HIPK2: variants seen among roughly 807,000 people sequenced by gnomAD.
HIPK2 encodes the protein homeodomain interacting protein kinase 2, also known as homeodomain-interacting protein kinase 2.
A neutral mutation model predicts 113.7 loss-of-function variants in HIPK2; 27 were observed. The ratio of observed to expected loss-of-function variants is 0.24; its 90% CI spans 0.17 to 0.33. The LOEUF (loss-of-function observed/expected upper bound fraction) is 0.33, where lower values mean the gene tolerates loss of function less well. Among genes scored for constraint, HIPK2 ranks in the 10% least tolerant of loss-of-function variants. The pLI is 1.00. For synonymous variants in HIPK2, 631 were observed against 642.2 expected (o/e 0.98, Z 0.26); for missense variants, 1,257 against 1,588.0 (o/e 0.79, Z 3.54).
chr7:139,584,949 A>C (rs1385325068), intron 12 of HIPK2, among the ~76,000 whole-genome samples: 2 of 152,100 alleles, frequency 1.3e-5, no homozygotes. Flanking sequence ...GTTTGTTCAG[A>C]GATATTTAAG....
In HIPK2 at chr7:139,600,423, G is replaced by A; in HGVS notation, c.2429C>T (p.Ser810Phe). The A allele has an allele frequency of 6.2e-7, 1 of 1,613,054 alleles. No homozygotes were observed. The highest frequency in any genetic ancestry group is 8.5e-7 in the Non-Finnish European group (1 of 1,179,712). ...GGTGGCTCTCACCACCTACCTCACA[G>A]ATGACTGGTGCTGCTTACTCTTCCG... ...SSRKSKQHQS[S>F]VRNVSTCEVS... Residue 810 changes from serine to phenylalanine, a missense_variant, in exon 11 of 15, where the codon TCT (serine) becomes TTT (phenylalanine). Transcript: ENST00000406875.
Position 139,777,460 on chromosome 7 carries a change from G to C in HIPK2, c.19+145C>G, listed in dbSNP as rs952853416. 9 of 188,884 alleles carry C rather than the reference G, an allele frequency of 4.8e-5. No homozygotes were observed. The Admixed American group carries it at 5.1e-4, about 11-fold the overall frequency. 11.7% of individuals were successfully genotyped at this position (188,884 alleles called of 1,614,324 possible). ...CGGGTCCCGGTCATCTTCCGGGCGA[G>C]GGAGGGGGTCGCGGCCCCCTCGGGC... On this transcript the variant is annotated intron_variant, in intron 1 of 14. Coordinates refer to ENST00000406875, the MANE Select transcript of HIPK2 (RefSeq NM_022740.5).
intron 1 of HIPK2, among the ~76,000 whole-genome samples, chr7:139,756,435 G>T (rs1796364118): frequency 6.6e-6 from 1 of 151,998 alleles, no homozygotes; most frequent in Non-Finnish European, 1.5e-5. Context: ...TTGTTTGTTT[G>T]TTTTTTTGAG....
intron 1 of HIPK2, among the ~76,000 whole-genome samples, chr7:139,759,144 CCACATAAAAA>C (rs1796423339): frequency 1.3e-5 from 2 of 152,200 alleles, no homozygotes; most frequent in South Asian, 2.1e-4. Flanking sequence ...AAAACACACT[CCACATAAAAA>C]TAAACACAAA....
At chr7:139,611,547 T>G (rs1271255701) in intron 9 of HIPK2, among the ~76,000 whole-genome samples, 2 of 152,162 alleles carry the variant, frequency 1.3e-5, no homozygotes, top group African/African-American at 2.4e-5. Context: ...CTATTAATTT[T>G]TTTTTTTCTT....
rs1796804463 is a variant in HIPK2 at position 139,777,624 on chromosome 7, C to T, written c.-1G>A. On this transcript the variant is annotated 5_prime_UTR_variant, in exon 1 of 15. Transcript: ENST00000406875. ...CCTTACCTTCGTACACGGGGGCCATCGGGGCCGGGGTGTCCGCGGTTCATG... is the reference window on the plus strand; with the variant it reads ...CCTTACCTTCGTACACGGGGGCCATTGGGGCCGGGGTGTCCGCGGTTCATG... 2 of 1,073,260 alleles carry T rather than the reference C, an allele frequency of 1.9e-6. No individual in the cohort carries two copies. Among genetic ancestry groups the T allele is most frequent in the South Asian group, 8.7e-5 (2 of 22,882 alleles). The allele number at this position is 1,073,260 out of a possible 1,614,324, so 66.5% of individuals were successfully genotyped here.
At chr7:139,591,448 C>T (rs1310521141) in intron 12 of HIPK2, among the ~76,000 whole-genome samples, 2 of 152,146 alleles carry the variant, frequency 1.3e-5, no homozygotes, top group African/African-American at 2.4e-5. Context: ...CACTGAGCAC[C>T]GCTCTGCCCT....
At chr7:139,709,740 T>A (rs1795007429) in intron 2 of HIPK2, among the ~76,000 whole-genome samples, 1 of 152,238 alleles carries the variant, frequency 6.6e-6, no homozygotes. Flanking sequence ...GGGCTAGGAC[T>A]GGTGCTAAGG....
At chr7:139,688,074 C>A (rs1313383427) in intron 2 of HIPK2, among the ~76,000 whole-genome samples, 1 of 152,080 alleles carries the variant, frequency 6.6e-6, no homozygotes, top group Non-Finnish European at 1.5e-5. Context: ...ATTGGGCCTG[C>A]AGGGACAATC....
In HIPK2 at chr7:139,747,413, C is replaced by G. The variant is rs145428117; in HGVS notation, c.19+30192G>C. On this transcript the variant is annotated intron_variant, in intron 1 of 14. Transcript: ENST00000406875. ...CGGCCCCTCTGGGTACATCAAGGGCCGGCACTTGAAACCTGCAAAGAAACA... is the reference window on the plus strand; with the variant it reads ...CGGCCCCTCTGGGTACATCAAGGGCGGGCACTTGAAACCTGCAAAGAAACA... Among the ~76,000 whole-genome samples the G allele has an allele frequency of 5.3e-3, 811 of 152,232 alleles. 12 individuals are homozygous for G. Among genetic ancestry groups the G allele is most frequent in the African/African-American group, 0.017 (713 of 41,530 alleles).
chr7:139,680,702 C>T (rs984554105), intron 2 of HIPK2, among the ~76,000 whole-genome samples: 1 of 152,246 alleles, frequency 6.6e-6, no homozygotes, highest in African/African-American at 2.4e-5. Flanking sequence ...ATGTCTGTGG[C>T]ATGTGTGTGT....
intron 2 of HIPK2, among the ~76,000 whole-genome samples, chr7:139,658,327 C>T (rs945600313): frequency 2.7e-5 from 4 of 149,564 alleles, no homozygotes; most frequent in Non-Finnish European, 5.9e-5. Context: ...AAAAAATGAA[C>T]GGGGAAAAGG....
At chr7:139,760,867 T>C (rs1796450700) in intron 1 of HIPK2, among the ~76,000 whole-genome samples, 1 of 152,198 alleles carries the variant, frequency 6.6e-6, no homozygotes, top group Non-Finnish European at 1.5e-5. Context: ...CACTGAAAAG[T>C]ACAAGATGAG....
chr7:139,739,495 G>A (rs1489950084), intron 1 of HIPK2, among the ~76,000 whole-genome samples: 1 of 151,974 alleles, frequency 6.6e-6, no homozygotes, highest in Non-Finnish European at 1.5e-5. Flanking sequence ...GCTGAGGCAG[G>A]AGAATTGCTT....
chr7:139,720,801 A>G (rs1196464741), intron 1 of HIPK2, among the ~76,000 whole-genome samples: 1 of 152,182 alleles, frequency 6.6e-6, no homozygotes, highest in Non-Finnish European at 1.5e-5. Flanking sequence ...GCGGTCAGAG[A>G]GAGCGACAGC....
intron 2 of HIPK2, among the ~76,000 whole-genome samples, chr7:139,700,440 C>A (rs1421708682): frequency 6.6e-6 from 1 of 152,182 alleles, no homozygotes; most frequent in African/African-American, 2.4e-5. Context: ...CCCTTTCCTG[C>A]AAATACTCAG....
At chr7:139,652,363 G>A (rs376694053) in intron 2 of HIPK2, among the ~76,000 whole-genome samples, 5 of 152,134 alleles carry the variant, frequency 3.3e-5, no homozygotes, top group African/African-American at 4.8e-5. Context: ...CCCTGAGCTC[G>A]GGGACATGAT....
intron 2 of HIPK2, among the ~76,000 whole-genome samples, chr7:139,695,979 A>G (rs1202940130): frequency 1.3e-5 from 2 of 152,230 alleles, no homozygotes; most frequent in Non-Finnish European, 2.9e-5. Context: ...GAAAAGTATT[A>G]ACAAATCAGG....
chr7:139,749,074 G>A (rs775781110), intron 1 of HIPK2, among the ~76,000 whole-genome samples: 2 of 152,214 alleles, frequency 1.3e-5, no homozygotes, highest in African/African-American at 2.4e-5. Flanking sequence ...AATTGTCATG[G>A]TCACAAGTAG....
Sources: allele counts gnomAD v4.1 joint callset (sites outside exome capture counted in the v4.1 genomes callset), GRCh38; gene constraint gnomAD v4.1.1; transcripts MANE v1.5; gene names NCBI Gene and HGNC (gene_info 2026-07-23, HGNC 2026-07-21).